The following CNOT2 variants were observed in gnomAD, a reference collection of about 807,000 sequenced individuals.
CNOT2 encodes the protein CCR4-NOT transcription complex subunit 2.
A neutral mutation model predicts 72.1 loss-of-function variants in CNOT2; 7 were observed. The observed-to-expected ratio is 0.10, with a 90% CI of 0.06 to 0.18. The LOEUF (loss-of-function observed/expected upper bound fraction) is 0.18. Among genes scored for constraint, CNOT2 ranks in the 10% least tolerant of loss-of-function variants. CNOT2 has a pLI of 1.00. For missense variants in CNOT2, 345 were observed against 660.3 expected (o/e 0.52, Z 5.23); for synonymous variants, 196 against 225.6 (o/e 0.87, Z 1.17).
Position 70,281,856 on chromosome 12 carries a change from T to A in CNOT2, c.48+3582T>A, listed in dbSNP as rs1032243605. Among the ~76,000 whole-genome samples the A allele has an allele frequency of 1.9e-4, 29 of 152,356 alleles. 3 individuals are homozygous for A. The South Asian group carries it at 5.4e-3, about 28-fold the overall frequency. The stretch of plus-strand genomic sequence containing the variant: ...TTTAAATTAAATAAATTTAAACTCA[T>A]TTAAATTAAATAAATTTTAAAGTTC... On this transcript the variant is annotated intron_variant, in intron 2 of 15. Coordinates refer to ENST00000229195, the MANE Select transcript of CNOT2 (RefSeq NM_014515.7).
intron 1 of CNOT2, among the ~76,000 whole-genome samples, chr12:70,246,694 G>A (rs946937469): frequency 6.6e-6 from 1 of 152,122 alleles, no homozygotes; most frequent in Non-Finnish European, 1.5e-5. Context: ...GCCTTGAAGT[G>A]GAATGAAAGT....
chr12:70,300,827 C>T lies in CNOT2; in HGVS notation c.49-10068C>T, dbSNP rs571020739. ...ACCTTGGGCAGTATGGCCATTTTCA[C>T]GATATTGATTCTTCCTACGTATGAG... On this transcript the variant is annotated intron_variant, in intron 2 of 15. Coordinates refer to ENST00000229195, the MANE Select transcript of CNOT2 (RefSeq NM_014515.7). 3.7e-4 allele frequency among the ~76,000 whole-genome samples: 56 copies of T among 152,238 alleles called. 1 individual carries two copies. The South Asian group carries it at 9.8e-3, about 27-fold the overall frequency.
At chr12:70,288,248 A>G (rs919953356) in intron 2 of CNOT2, among the ~76,000 whole-genome samples, 4 of 148,282 alleles carry the variant, frequency 2.7e-5, no homozygotes, top group African/African-American at 9.9e-5. Flanking sequence ...GGTTCAAGCA[A>G]TTCTCCTGCC....
intron 1 of CNOT2, among the ~76,000 whole-genome samples, chr12:70,253,923 T>C (rs897640239): frequency 5.3e-5 from 8 of 151,988 alleles, no homozygotes; most frequent in African/African-American, 9.7e-5. Context: ...TTAGGTACAA[T>C]AAGAGATGAG....
chr12:70,338,453 C>T lies in CNOT2; in HGVS notation c.911C>T (p.Thr304Ile), dbSNP rs1880999203. 6.2e-7 allele frequency: 1 copy of T among 1,605,634 alleles called. No homozygotes were observed. The highest frequency in any genetic ancestry group is 8.5e-7 in the Non-Finnish European group (1 of 1,177,462). The change falls in exon 10 of 16, where the codon ACA (threonine) becomes ATA (isoleucine). Residue 304 changes from threonine (T) to isoleucine (I), a missense_variant. By Grantham distance (89) the Thr-to-Ile change is moderately conservative. This residue lies in a region of CNOT2 where 128 missense variants were observed against 233.0 expected (regional missense o/e 0.55). Coordinates refer to ENST00000229195, the MANE Select transcript of CNOT2 (RefSeq NM_014515.7). ...TTTTTTTCATGCTAGAATTTGAATACATCTGGCAAGACAACTTCAAGTACA... is the reference window on the plus strand; with the variant it reads ...TTTTTTTCATGCTAGAATTTGAATATATCTGGCAAGACAACTTCAAGTACA... Reference protein sequence around the residue: ...SNDDSKSNLNTSGKTTSSTDG... With the variant: ...SNDDSKSNLNISGKTTSSTDG...
chr12:70,277,711 A>G lies in CNOT2; in HGVS notation c.-95-421A>G, dbSNP rs948553815. 3.9e-5 allele frequency among the ~76,000 whole-genome samples: 6 copies of G among 152,184 alleles called. No homozygotes were observed. In the South Asian group the frequency reaches 1.2e-3, roughly 32 times the overall value. ...TGAATAACTTGTATTTCTATCTATC[A>G]TATATAATCATTTGGAGGGGAAGGA... On this transcript the variant is annotated intron_variant, in intron 1 of 15. Coordinates refer to ENST00000229195, the MANE Select transcript of CNOT2 (RefSeq NM_014515.7).
rs114395285 is a variant in CNOT2, at chr12:70,352,819, G to T, written c.1537-1010G>T. Reference sequence around the variant, plus strand: ...CTTGATCTTGGGTGGGAAGTATCATGAAGAAATTATGTCACCATTCTTAAA... The same window carrying T: ...CTTGATCTTGGGTGGGAAGTATCATTAAGAAATTATGTCACCATTCTTAAA... On this transcript the variant is annotated intron_variant, in intron 15 of 15. Transcript: ENST00000229195. Among the ~76,000 whole-genome samples, 562 of 152,208 alleles carry T rather than the reference G, an allele frequency of 3.7e-3. 6 individuals carry two copies. Among genetic ancestry groups the T allele is most frequent in the African/African-American group, 0.012 (514 of 41,540 alleles).
At chr12:70,342,074 A>G in intron 11 of CNOT2, 33 bp from the exon 12 acceptor site, 2 of 1,312,056 alleles carry the variant, frequency 1.5e-6, no homozygotes, top group Non-Finnish European at 2.2e-6. Flanking sequence ...CTTTTTCTGG[A>G]TTTCAAAATG....
chr12:70,305,422 A>G (rs756033980), intron 2 of CNOT2, among the ~76,000 whole-genome samples: 18 of 152,188 alleles, frequency 1.2e-4, no homozygotes, highest in Non-Finnish European at 2.4e-4. Context: ...GGATTATTAC[A>G]GTTCAAGGTG....
In CNOT2 at chr12:70,343,371, T is replaced by C. The variant is rs1005614037; in HGVS notation, c.1291-757T>C. On this transcript the variant is annotated intron_variant, in intron 13 of 15. Transcript: ENST00000229195. ...TGTTTTGGGACACTTTTAAGGTTTA[T>C]TTAAATGTGAAAATTTGAGACTATT... 2.0e-5 allele frequency among the ~76,000 whole-genome samples: 3 copies of C among 152,206 alleles called. No individual in the cohort carries two copies. In the East Asian group the frequency reaches 5.8e-4, roughly 29 times the overall value.
chr12:70,317,959 C>T (rs571480199), intron 3 of CNOT2, among the ~76,000 whole-genome samples: 1 of 151,974 alleles, frequency 6.6e-6, no homozygotes, highest in East Asian at 1.9e-4. Flanking sequence ...TTTTTCATCC[C>T]TGGAAACCAC....
intron 1 of CNOT2, among the ~76,000 whole-genome samples, chr12:70,263,422 A>G (rs1347322306): frequency 6.6e-6 from 1 of 152,038 alleles, no homozygotes; most frequent in Non-Finnish European, 1.5e-5. Flanking sequence ...GCACAACCCT[A>G]TGAATCTGTT....
intron 4 of CNOT2, among the ~76,000 whole-genome samples, chr12:70,321,111 A>G (rs1322693759): frequency 1.3e-5 from 2 of 151,896 alleles, no homozygotes; most frequent in African/African-American, 2.4e-5. Flanking sequence ...GGAGTTCAGT[A>G]TATTAAATAA....
intron 2 of CNOT2, among the ~76,000 whole-genome samples, chr12:70,302,173 A>T (rs889220392): frequency 6.6e-6 from 1 of 152,024 alleles, no homozygotes; most frequent in Non-Finnish European, 1.5e-5. Flanking sequence ...CAGCTCCTGG[A>T]TTCATTAATT....
chr12:70,352,831 T>C lies in CNOT2; in HGVS notation c.1537-998T>C, dbSNP rs1371863421. Reference sequence around the variant, plus strand: ...TGGGAAGTATCATGAAGAAATTATGTCACCATTCTTAAATTTTAAAACTCA... The same window carrying C: ...TGGGAAGTATCATGAAGAAATTATGCCACCATTCTTAAATTTTAAAACTCA... On this transcript the variant is annotated intron_variant, in intron 15 of 15. Coordinates refer to ENST00000229195, the MANE Select transcript of CNOT2 (RefSeq NM_014515.7). 4.6e-5 allele frequency among the ~76,000 whole-genome samples: 7 copies of C among 152,150 alleles called. No homozygotes were observed. The South Asian group carries it at 1.4e-3, about 32-fold the overall frequency.
intron 2 of CNOT2, among the ~76,000 whole-genome samples, chr12:70,289,587 G>C (rs1033697813): frequency 6.6e-6 from 1 of 151,998 alleles, no homozygotes; most frequent in Non-Finnish European, 1.5e-5. Flanking sequence ...TAATTGCCTG[G>C]AGTTGTCCCA....
chr12:70,293,077 TAG>T (rs1253242613), intron 2 of CNOT2, among the ~76,000 whole-genome samples: 2 of 152,156 alleles, frequency 1.3e-5, no homozygotes, highest in Non-Finnish European at 2.9e-5. Flanking sequence ...GTATTTGTAA[TAG>T]AGTTTATTTT....
intron 2 of CNOT2, among the ~76,000 whole-genome samples, chr12:70,310,614 C>A (rs1416204606): frequency 6.6e-6 from 1 of 151,922 alleles, no homozygotes; most frequent in East Asian, 1.9e-4. Context: ...TGATATTGGC[C>A]ATTTTTGAAG....
intron 14 of CNOT2, chr12:70,345,371 A>G (rs1882034852): frequency 1.3e-5 from 2 of 152,254 alleles, no homozygotes; most frequent in South Asian, 4.1e-4. Flanking sequence ...TTGTGAGAAT[A>G]GAGATTATTA....
Sources: gnomAD v4.1 joint callset for allele counts (sites outside exome capture counted in the v4.1 genomes callset) on GRCh38, gnomAD v4.1.1 for gene constraint, gnomAD v4.1.1 regional missense constraint, MANE v1.5 for transcripts, NCBI Gene and HGNC (gene_info 2026-07-23, HGNC 2026-07-21) for gene names.